The following ERC2 variants were observed in gnomAD, a reference collection of about 807,000 sequenced individuals.
ERC2 encodes the protein ELKS/RAB6-interacting/CAST family member 2.
In ERC2, 42 loss-of-function variants were observed where a neutral mutation model predicts 114.8. The ratio of observed to expected loss-of-function variants is 0.37; its 90% CI spans 0.29 to 0.47. ERC2 has a LOEUF of 0.47. Among genes scored for constraint, ERC2 ranks in the 20% least tolerant of loss-of-function variants. The pLI is 0.99. For synonymous variants in ERC2, 454 were observed against 425.5 expected (o/e 1.07, Z -0.82); for missense variants, 939 against 1,150.7 (o/e 0.82, Z 2.66).
intron 3 of ERC2, among the ~76,000 whole-genome samples, chr3:56,205,175 G>T (rs12492055): frequency 0.049 from 7,382 of 152,180 alleles, 338 homozygotes; most frequent in Admixed American, 0.14. Flanking sequence ...CTTCACTGAA[G>T]AAATCAGCAA....
intron 12 of ERC2, among the ~76,000 whole-genome samples, chr3:55,951,669 G>A (rs181769649): frequency 4.5e-4 from 69 of 152,128 alleles, no homozygotes; most frequent in Non-Finnish European, 7.8e-4. Flanking sequence ...GAGGAGGGAC[G>A]AGCAGCAGAA....
In ERC2 at chr3:55,863,315, G is replaced by A. The variant is rs75073461; in HGVS notation, c.2564+25074C>T. Among the ~76,000 whole-genome samples, 129 of 151,948 alleles carry A rather than the reference G, an allele frequency of 8.5e-4. 1 individual carries two copies. The highest frequency in any genetic ancestry group is 1.4e-3 in the Non-Finnish European group (93 of 68,008). On this transcript the variant is annotated intron_variant, in intron 14 of 17. Coordinates refer to ENST00000288221, the MANE Select transcript of ERC2 (RefSeq NM_015576.3). ...TCTTGAATATCTCTGCTTGCTCGACGCCAGGGCCTCAATATTTTGATAAAG... is the reference window on the plus strand; with the variant it reads ...TCTTGAATATCTCTGCTTGCTCGACACCAGGGCCTCAATATTTTGATAAAG...
intron 3 of ERC2, among the ~76,000 whole-genome samples, chr3:56,250,771 T>C (rs530923232): frequency 2.6e-4 from 40 of 152,326 alleles, no homozygotes; most frequent in African/African-American, 9.1e-4. Flanking sequence ...TAAAGTTGCC[T>C]TCATTTTCTA....
intron 3 of ERC2, among the ~76,000 whole-genome samples, chr3:56,219,674 G>GAA (rs35098698): frequency 0.049 from 6,072 of 122,834 alleles, 216 homozygotes; most frequent in Non-Finnish European, 0.062. Flanking sequence ...GCTCAAGTGC[G>GAA]AAAAAAAAAA....
intron 14 of ERC2, among the ~76,000 whole-genome samples, chr3:55,802,202 A>T (rs1008235592): frequency 5.9e-5 from 9 of 152,264 alleles, no homozygotes; most frequent in African/African-American, 2.2e-4. Flanking sequence ...TACAAATTTA[A>T]TATCCTGAAC....
intron 17 of ERC2, among the ~76,000 whole-genome samples, chr3:55,516,723 G>C (rs1407576698): frequency 6.6e-6 from 1 of 152,176 alleles, no homozygotes; most frequent in Non-Finnish European, 1.5e-5. Flanking sequence ...TATAGGCTGT[G>C]TACATCAAAA....
intron 14 of ERC2, among the ~76,000 whole-genome samples, chr3:55,857,688 A>C (rs1371051676): frequency 2.6e-5 from 4 of 152,222 alleles, no homozygotes; most frequent in African/African-American, 9.6e-5. Context: ...TGATGATTAC[A>C]ATTGTTTTAC....
intron 14 of ERC2, among the ~76,000 whole-genome samples, chr3:55,796,262 G>A (rs2070475582): frequency 6.6e-6 from 1 of 151,304 alleles, no homozygotes; most frequent in South Asian, 2.1e-4. Context: ...GAAGAAAAGT[G>A]AACTATTGGG....
intron 3 of ERC2, among the ~76,000 whole-genome samples, chr3:56,208,206 T>C (rs879636684): frequency 6.6e-6 from 1 of 152,172 alleles, no homozygotes; most frequent in Non-Finnish European, 1.5e-5. Flanking sequence ...CCATGATTCA[T>C]CCTATCAAAT....
At chr3:55,874,706 A>G (rs886877846) in intron 14 of ERC2, among the ~76,000 whole-genome samples, 2 of 152,148 alleles carry the variant, frequency 1.3e-5, no homozygotes, top group South Asian at 4.1e-4. Flanking sequence ...GGAGACTTCC[A>G]TGGAGAAGCT....
At chr3:56,185,996 C>T (rs996566760) in intron 3 of ERC2, among the ~76,000 whole-genome samples, 1 of 151,844 alleles carries the variant, frequency 6.6e-6, no homozygotes, top group African/African-American at 2.4e-5. Context: ...TCTAAGGGCT[C>T]AGGGTGGCCC....
intron 10 of ERC2, among the ~76,000 whole-genome samples, chr3:55,993,612 A>G (rs1469078832): frequency 6.6e-6 from 1 of 151,934 alleles, no homozygotes; most frequent in Non-Finnish European, 1.5e-5. Context: ...ATGAGGATAA[A>G]GGGGAAAAAG....
intron 2 of ERC2, among the ~76,000 whole-genome samples, chr3:56,345,555 T>C (rs2058272416): frequency 6.6e-6 from 1 of 152,206 alleles, no homozygotes; most frequent in Non-Finnish European, 1.5e-5. Flanking sequence ...GAGGTGAGGC[T>C]AGATTGCCTA....
intron 2 of ERC2, among the ~76,000 whole-genome samples, chr3:56,402,423 A>G (rs1458198651): frequency 6.6e-6 from 1 of 152,132 alleles, no homozygotes; most frequent in Non-Finnish European, 1.5e-5. Flanking sequence ...AGATGCTTTC[A>G]TCTCTTCCCT....
chr3:55,663,106 C>T (rs2061208619), intron 17 of ERC2, among the ~76,000 whole-genome samples: 2 of 152,290 alleles, frequency 1.3e-5, no homozygotes, highest in Admixed American at 6.5e-5. Context: ...CAAGATTCAA[C>T]CCACTGTCAA....
intron 14 of ERC2, among the ~76,000 whole-genome samples, chr3:55,821,578 A>C (rs370733988): frequency 1.3e-5 from 2 of 152,196 alleles, no homozygotes; most frequent in African/African-American, 4.8e-5. Context: ...GATGTGCAAA[A>C]CTTGAGAGAA....
chr3:55,804,785 T>C (rs548454820), intron 14 of ERC2, among the ~76,000 whole-genome samples: 1 of 152,186 alleles, frequency 6.6e-6, no homozygotes, highest in Admixed American at 6.5e-5. Context: ...ACCATCATTC[T>C]TTTCACTGCT....
chr3:56,301,109 C>A (rs1354115396), intron 2 of ERC2, among the ~76,000 whole-genome samples: 1 of 151,990 alleles, frequency 6.6e-6, no homozygotes, highest in Non-Finnish European at 1.5e-5. Context: ...ATTAGCCATC[C>A]TAACCAGGCT....
At chr3:56,016,416 C>A (rs2073309909) in intron 8 of ERC2, among the ~76,000 whole-genome samples, 1 of 126,022 alleles carries the variant, frequency 7.9e-6, no homozygotes, top group African/African-American at 2.6e-5. Flanking sequence ...TTTGTAGCTT[C>A]CTTTTTTTTT....
Sources: gnomAD v4.1 joint callset for allele counts (sites outside exome capture counted in the v4.1 genomes callset) on GRCh38, gnomAD v4.1.1 for gene constraint, MANE v1.5 for transcripts, NCBI Gene and HGNC (gene_info 2026-07-23, HGNC 2026-07-21) for gene names.